Variants in TPRG1 observed in about 807,000 individuals in gnomAD.
The protein encoded by TPRG1 is tumor protein p63 regulated 1.
TPRG1 carries 29 observed loss-of-function variants against 29.3 expected under a neutral mutation model. That is an observed-to-expected ratio of 0.99 (90% confidence interval 0.74 to 1.35). The LOEUF is 1.35. Ranked by LOEUF, TPRG1 falls within the 40% of genes most tolerant of loss-of-function variation. TPRG1 has a pLI of 0.00. For synonymous variants in TPRG1, 130 were observed against 116.8 expected (o/e 1.11, Z -0.73); for missense variants, 327 against 335.0 (o/e 0.98, Z 0.19).
chr3:189,087,241 A>C (rs1264256852), intron 4 of TPRG1, among the ~76,000 whole-genome samples: 2 of 151,990 alleles, frequency 1.3e-5, no homozygotes, highest in East Asian at 3.9e-4. Flanking sequence ...TTTGATTTGC[A>C]TTTCTCTGAT....
intron 4 of TPRG1, among the ~76,000 whole-genome samples, chr3:189,299,478 C>A (rs1720493298): frequency 1.3e-5 from 2 of 152,144 alleles, no homozygotes; most frequent in African/African-American, 4.8e-5. Context: ...GGATTTCTCT[C>A]ATCTCCCTCA....
intron 4 of TPRG1, among the ~76,000 whole-genome samples, chr3:189,038,447 G>T (rs1177608632): frequency 1.3e-5 from 2 of 152,066 alleles, no homozygotes; most frequent in Admixed American, 6.6e-5. Flanking sequence ...AAACTGGCTT[G>T]TTAAATGGAG....
intron 3 of TPRG1, among the ~76,000 whole-genome samples, chr3:189,145,273 A>C (rs1725098546): frequency 6.6e-6 from 1 of 151,486 alleles, no homozygotes; most frequent in Admixed American, 6.6e-5. Context: ...GAGGCAGGAG[A>C]ATCATTTGAA....
At chr3:189,063,472 A>G (rs1234686091) in intron 4 of TPRG1, among the ~76,000 whole-genome samples, 1 of 152,144 alleles carries the variant, frequency 6.6e-6, no homozygotes, top group Admixed American at 6.5e-5. Flanking sequence ...CTTTTTTTCA[A>G]GTGCCCATTT....
chr3:189,186,985 G>GTTTTTTTTTTTTTTTTT (rs397875585), intron 1 of TPRG1, among the ~76,000 whole-genome samples: 1 of 88,950 alleles, frequency 1.1e-5, no homozygotes, highest in African/African-American at 4.4e-5. Context: ...CATCTAAAGT[G>GTTTTTTTTTTTTTTTTT]TTTTTTTTTT....
intron 3 of TPRG1, among the ~76,000 whole-genome samples, chr3:189,217,079 CT>C (rs981255346): frequency 7.9e-5 from 12 of 152,080 alleles, no homozygotes; most frequent in African/African-American, 2.9e-4. Flanking sequence ...TAGAAATATG[CT>C]TTTTTTGTTT....
At chr3:189,082,748 G>A (rs1198089182) in intron 4 of TPRG1, among the ~76,000 whole-genome samples, 3 of 152,194 alleles carry the variant, frequency 2.0e-5, no homozygotes, top group Non-Finnish European at 4.4e-5. Flanking sequence ...CATAAATGCA[G>A]CTGTAGCAGC....
intron 4 of TPRG1, among the ~76,000 whole-genome samples, chr3:189,272,510 T>A (rs916113212): frequency 2.0e-5 from 3 of 152,180 alleles, no homozygotes; most frequent in African/African-American, 4.8e-5. Context: ...GTAAAGTGCT[T>A]CTCAGGAAAT....
rs765236875 is a variant in TPRG1, at chr3:189,299,769, G to A, written c.480-10617G>A. On this transcript the variant is annotated intron_variant, in intron 4 of 5. Coordinates refer to ENST00000345063, the MANE Select transcript of TPRG1 (RefSeq NM_198485.4). ...TTCTTGATCAGCTCACAGTTCATTT[G>A]ATGATGTAACATTAGTATATAGAAT... 5.9e-5 allele frequency among the ~76,000 whole-genome samples: 9 copies of A among 152,178 alleles called. No homozygotes were observed. The South Asian group carries it at 1.7e-3, about 28-fold the overall frequency.
intron 4 of TPRG1, among the ~76,000 whole-genome samples, chr3:189,272,534 G>A (rs1715323855): frequency 6.6e-6 from 1 of 152,034 alleles, no homozygotes; most frequent in South Asian, 2.1e-4. Context: ...GGCAAGTCTC[G>A]TTCTTCAAAT....
intron 3 of TPRG1, among the ~76,000 whole-genome samples, chr3:189,138,607 G>T (rs1004511489): frequency 1.3e-5 from 2 of 152,182 alleles, no homozygotes; most frequent in African/African-American, 2.4e-5. Context: ...CGCATAGGAA[G>T]TTTAAAGGTG....
chr3:189,312,128 T>C (rs1316160226), intron 5 of TPRG1, among the ~76,000 whole-genome samples: 26 of 35,774 alleles, frequency 7.3e-4, no homozygotes, highest in African/African-American at 3.3e-3. Context: ...TTTCTTTCTT[T>C]CTTTCTTTCT....
Position 189,078,059 on chromosome 3 carries a change from C to CCTTA in TPRG1, c.-462-48995_-462-48994insACTT, listed in dbSNP as rs1553899925. ...TCCTTCCTTCCTTCCTTCCTTCCTT[C>CCTTA]CTTTCTCTCCTTTCTCTCTTTCTCT... On this transcript the variant is annotated intron_variant, in intron 4 of 10. Transcript: ENST00000433971. Among the ~76,000 whole-genome samples the CCTTA allele has an allele frequency of 3.0e-4, 42 of 141,588 alleles. No homozygotes were observed. The South Asian group carries it at 4.1e-3, about 14-fold the overall frequency. The allele number at this position is 141,588 out of a possible 152,430, so 92.9% of individuals were successfully genotyped here. A position where few individuals can be genotyped will look rare whatever the true frequency, so the allele number is the denominator to read the frequency against.
intron 3 of TPRG1, among the ~76,000 whole-genome samples, chr3:189,216,042 C>A (rs1736016630): frequency 6.6e-6 from 1 of 152,134 alleles, no homozygotes; most frequent in African/African-American, 2.4e-5. Context: ...TTTGTGTGAC[C>A]ATCTCTTTAC....
rs57386934 is a variant in TPRG1 at position 189,274,935 on chromosome 3, A to AGTGTGTGT, written c.480-35414_480-35407dup. Among the ~76,000 whole-genome samples the AGTGTGTGT allele has an allele frequency of 3.1e-3, 426 of 137,720 alleles. 3 individuals carry two copies. Among genetic ancestry groups the AGTGTGTGT allele is most frequent in the East Asian group, 8.8e-3 (41 of 4,678 alleles). The allele number at this position is 137,720 out of a possible 152,430, so 90.3% of individuals were successfully genotyped here. ...AAGGGCATTTCTTGATAATGTAATG[A>AGTGTGTGT]GTGTGTGTGTGTGTGTGTGTGTGTG... On this transcript the variant is annotated intron_variant, in intron 4 of 5. Coordinates refer to ENST00000345063, the MANE Select transcript of TPRG1 (RefSeq NM_198485.4).
At chr3:189,133,085 G>A (rs904951826) in intron 3 of TPRG1, among the ~76,000 whole-genome samples, 1 of 152,198 alleles carries the variant, frequency 6.6e-6, no homozygotes, top group African/African-American at 2.4e-5. Flanking sequence ...CCAGAGGAGA[G>A]ACTAGTGTAA....
intron 4 of TPRG1, among the ~76,000 whole-genome samples, chr3:189,079,219 T>C (rs189741420): frequency 4.1e-4 from 62 of 152,248 alleles, no homozygotes; most frequent in African/African-American, 1.4e-3. Context: ...TCACTCTTTA[T>C]GGCAAGTAGG....
intron 4 of TPRG1, among the ~76,000 whole-genome samples, chr3:189,282,082 T>C (rs1358012459): frequency 2.0e-5 from 3 of 151,974 alleles, no homozygotes; most frequent in Non-Finnish European, 4.4e-5. Context: ...GGTTTCACCA[T>C]GTTGCCCAAG....
chr3:189,093,277 C>T (rs937720896), intron 4 of TPRG1, among the ~76,000 whole-genome samples: 1 of 152,100 alleles, frequency 6.6e-6, no homozygotes, highest in South Asian at 2.1e-4. Flanking sequence ...CTGCATTTTG[C>T]TTGGGTTTAT....
Sources: gnomAD v4.1 joint callset for allele counts (sites outside exome capture counted in the v4.1 genomes callset) on GRCh38, gnomAD v4.1.1 for gene constraint, MANE v1.5 for transcripts, NCBI Gene and HGNC (gene_info 2026-07-23, HGNC 2026-07-21) for gene names.